The following ZFHX3 variants were observed in gnomAD, a reference collection of about 807,000 sequenced individuals.
The protein encoded by ZFHX3 is zinc finger homeobox protein 3.
ZFHX3 carries 42 observed loss-of-function variants against 279.1 expected under a neutral mutation model. That is an observed-to-expected ratio of 0.15 (90% CI 0.12 to 0.19). The LOEUF (loss-of-function observed/expected upper bound fraction) is 0.19. ZFHX3 is among the 10% of genes least tolerant of loss of function. The probability of loss-of-function intolerance (pLI) is 1.00; values close to 1 mark genes in which losing one functional copy is unlikely to be tolerated. For synonymous variants in ZFHX3, 2,293 were observed against 1,957.8 expected, an observed-to-expected ratio of 1.17 and a Z score of -4.52; for missense variants, 4,981 against 4,754.0, an observed-to-expected ratio of 1.05 and a Z score of -1.40.
chr16:73,867,494 T>G (rs897023001), intron 1 of ZFHX3, among the ~76,000 whole-genome samples: 1 of 152,198 alleles, frequency 6.6e-6, no homozygotes, highest in Non-Finnish European at 1.5e-5. Flanking sequence ...TCAATCACAA[T>G]CTCAGACAAA....
rs1961435484 is a variant in ZFHX3, at chr16:72,959,242, C to T, written c.904G>A (p.Val302Met). Reference sequence around the variant, plus strand: ...CTCAGGGTCATTCGATGGTCATGCACCGCGTGGGTCACAAACGAACGGACG... The same window carrying T: ...CTCAGGGTCATTCGATGGTCATGCATCGCGTGGGTCACAAACGAACGGACG... ...GYVRSFVTHA[V>M]HDHRMTLSED... The change falls in exon 2 of 10, where the codon GTG becomes ATG. Residue 302 changes from valine (V) to methionine (M), a missense_variant. Val to Met is a conservative substitution (Grantham distance 21, BLOSUM62 1). This residue lies in a region of ZFHX3 where 1,068 missense variants were observed against 935.2 expected (regional missense o/e 1.14). Coordinates refer to ENST00000268489, the MANE Select transcript of ZFHX3 (RefSeq NM_006885.4). The T allele has an allele frequency of 1.2e-6, 2 of 1,614,194 alleles. No homozygotes were observed. Among genetic ancestry groups the T allele is most frequent in the Non-Finnish European group, 1.7e-6 (2 of 1,180,034 alleles).
At chr16:73,507,865 G>A (rs76840073) in intron 2 of ZFHX3, among the ~76,000 whole-genome samples, 17 of 152,088 alleles carry the variant, frequency 1.1e-4, no homozygotes, top group Non-Finnish European at 2.1e-4. Context: ...TGGACACCCC[G>A]TCAATAAAAT....
At chr16:73,152,422 G>T (rs184996688) in intron 5 of ZFHX3, among the ~76,000 whole-genome samples, 1 of 152,182 alleles carries the variant, frequency 6.6e-6, no homozygotes, top group Admixed American at 6.5e-5. Context: ...TAGCTTCAAA[G>T]GATATTGACT....
At chr16:73,172,017 C>T (rs1260287921) in intron 5 of ZFHX3, among the ~76,000 whole-genome samples, 3 of 152,190 alleles carry the variant, frequency 2.0e-5, no homozygotes, top group Non-Finnish European at 4.4e-5. Context: ...TTGGGTCCGC[C>T]AGAGATGCTG....
chr16:73,023,213 A>G (rs2085145609), intron 1 of ZFHX3, among the ~76,000 whole-genome samples: 1 of 152,206 alleles, frequency 6.6e-6, no homozygotes, highest in Non-Finnish European at 1.5e-5. Flanking sequence ...GCGACAGAGC[A>G]AGACTCTGTC....
chr16:73,548,438 C>G (rs963405034), intron 2 of ZFHX3, among the ~76,000 whole-genome samples: 3 of 149,584 alleles, frequency 2.0e-5, no homozygotes, highest in African/African-American at 7.4e-5. Flanking sequence ...ATTTGTTAAG[C>G]TTGACTTTTG....
intron 3 of ZFHX3, among the ~76,000 whole-genome samples, chr16:72,904,265 C>T: frequency 6.6e-6 from 1 of 151,986 alleles, no homozygotes; most frequent in African/African-American, 2.4e-5. Flanking sequence ...ACTTGGGAGG[C>T]TGAGGCAGGA....
chr16:73,358,773 A>C (rs1165223305), intron 3 of ZFHX3, among the ~76,000 whole-genome samples: 1 of 152,254 alleles, frequency 6.6e-6, no homozygotes, highest in Non-Finnish European at 1.5e-5. Flanking sequence ...CCTAGTGGCC[A>C]AGAGCAGGGC....
intron 1 of ZFHX3, among the ~76,000 whole-genome samples, chr16:72,961,425 G>A (rs550510096): frequency 1.3e-3 from 205 of 152,270 alleles, no homozygotes; most frequent in African/African-American, 4.4e-3. Flanking sequence ...CGATCATTCC[G>A]TCTGGCCCTG....
upstream of ZFHX3, among the ~76,000 whole-genome samples, chr16:73,064,332 A>C (rs1331540839): frequency 6.6e-6 from 1 of 151,928 alleles, no homozygotes; most frequent in Non-Finnish European, 1.5e-5. Context: ...CCCCGATTTT[A>C]GCTTCTGCTT....
At chr16:73,011,974 T>C (rs1963934960) in intron 1 of ZFHX3, among the ~76,000 whole-genome samples, 1 of 152,036 alleles carries the variant, frequency 6.6e-6, no homozygotes, top group Non-Finnish European at 1.5e-5. Flanking sequence ...AGAGGAAGCC[T>C]CTTCTGCCAC....
chr16:73,414,817 T>C (rs533219884), intron 3 of ZFHX3, among the ~76,000 whole-genome samples: 1 of 152,230 alleles, frequency 6.6e-6, no homozygotes, highest in Admixed American at 6.5e-5. Context: ...GACTGGGTGA[T>C]AGAGTGAGAT....
intron 5 of ZFHX3, among the ~76,000 whole-genome samples, chr16:73,176,554 T>A (rs993745122): frequency 2.6e-5 from 4 of 152,132 alleles, no homozygotes; most frequent in African/African-American, 9.6e-5. Flanking sequence ...AGATGGAAAA[T>A]GCCCTCGGCT....
chr16:72,866,707 T>G (rs778018958), intron 4 of ZFHX3, among the ~76,000 whole-genome samples: 2 of 152,180 alleles, frequency 1.3e-5, no homozygotes, highest in Non-Finnish European at 2.9e-5. Flanking sequence ...TGGGTCTAAG[T>G]AGAATGTCCA....
intron 3 of ZFHX3, among the ~76,000 whole-genome samples, chr16:72,894,750 C>T (rs2038855690): frequency 1.3e-5 from 2 of 152,194 alleles, no homozygotes; most frequent in African/African-American, 4.8e-5. Context: ...CAGTGGTGCA[C>T]TCAAGAAAGG....
chr16:73,433,256 C>T (rs1232464907), intron 3 of ZFHX3, among the ~76,000 whole-genome samples: 1 of 152,188 alleles, frequency 6.6e-6, no homozygotes, highest in Admixed American at 6.5e-5. Context: ...ACAAGCTCAG[C>T]CCTCCACCCC....
At chr16:73,551,324 T>C (rs894099630) in intron 2 of ZFHX3, among the ~76,000 whole-genome samples, 4 of 152,136 alleles carry the variant, frequency 2.6e-5, no homozygotes, top group Admixed American at 6.5e-5. Flanking sequence ...TACCAGTTAC[T>C]AAGTACACAA....
chr16:73,771,688 T>A (rs1165402286), intron 1 of ZFHX3, among the ~76,000 whole-genome samples: 1 of 152,176 alleles, frequency 6.6e-6, no homozygotes, highest in Non-Finnish European at 1.5e-5. Flanking sequence ...CACTTCTGAA[T>A]GTAGTGACAG....
chr16:73,579,301 G>A (rs563932035), intron 2 of ZFHX3, among the ~76,000 whole-genome samples: 1 of 152,148 alleles, frequency 6.6e-6, no homozygotes, highest in African/African-American at 2.4e-5. Flanking sequence ...TCTTTAAGAT[G>A]TATAAACCCA....
Sources: gnomAD v4.1 joint callset for allele counts (sites outside exome capture counted in the v4.1 genomes callset) on GRCh38, gnomAD v4.1.1 for gene constraint, gnomAD v4.1.1 regional missense constraint, MANE v1.5 for transcripts, NCBI Gene and HGNC (gene_info 2026-07-23, HGNC 2026-07-21) for gene names.